The following C12orf42 variants were observed in gnomAD, a reference collection of about 807,000 sequenced individuals.
C12orf42 encodes the protein uncharacterized protein C12orf42.
C12orf42 carries 25 observed loss-of-function variants against 21.6 expected under a neutral mutation model. The ratio of observed to expected loss-of-function variants is 1.16; its 90% CI spans 0.84 to 1.62. C12orf42 has a LOEUF of 1.62. Among genes scored for constraint, C12orf42 ranks in the 40% most tolerant of loss-of-function variants. C12orf42 has a pLI of 0.00. For synonymous variants in C12orf42, 174 were observed against 175.0 expected (o/e 0.99, Z 0.05); for missense variants, 483 against 459.3 (o/e 1.05, Z -0.47).
At chr12:103,520,376 A>G in the C12orf42 span, among the ~76,000 whole-genome samples, 520 of 152,254 alleles carry the variant, frequency 3.4e-3, 2 homozygotes, top group Non-Finnish European at 6.2e-3. Context: ...TCCTCCCAGA[A>G]TATCTATTTT....
At chr12:103,472,289 C>T (rs746483166) in intron 2 of C12orf42, among the ~76,000 whole-genome samples, 171 of 151,844 alleles carry the variant, frequency 1.1e-3, no homozygotes, top group Non-Finnish European at 2.2e-3. Context: ...CTCCTGACCT[C>T]GTGATCCGCC....
At chr12:103,064,688 C>G in the C12orf42 span, among the ~76,000 whole-genome samples, 1,976 of 152,324 alleles carry the variant, frequency 0.013, 43 homozygotes, top group African/African-American at 0.045. Flanking sequence ...TGCTGTTAAT[C>G]TTTCTCCCAT....
the C12orf42 span, among the ~76,000 whole-genome samples, chr12:103,098,721 A>G: frequency 8.5e-5 from 13 of 152,366 alleles, 1 homozygote; most frequent in East Asian, 2.5e-3. Flanking sequence ...AGAAGGGTCC[A>G]TTAGCATCTT....
chr12:103,219,173 T>G, the C12orf42 span, among the ~76,000 whole-genome samples: 1 of 152,242 alleles, frequency 6.6e-6, no homozygotes, highest in African/African-American at 2.4e-5. Flanking sequence ...TGCCAGTCTG[T>G]GTCTTTTAAT....
At chr12:103,331,489 G>A (rs1176685866) in intron 4 of C12orf42, among the ~76,000 whole-genome samples, 2 of 152,170 alleles carry the variant, frequency 1.3e-5, no homozygotes, top group Non-Finnish European at 1.5e-5. Context: ...CAGAGACTGT[G>A]CAAGGTTCTG....
At chr12:103,289,057 T>G (rs2036638687) in intron 4 of C12orf42, among the ~76,000 whole-genome samples, 1 of 152,172 alleles carries the variant, frequency 6.6e-6, no homozygotes, top group Non-Finnish European at 1.5e-5. Flanking sequence ...AAAGATCACT[T>G]GGAAAAACAA....
intron 2 of C12orf42, among the ~76,000 whole-genome samples, chr12:103,425,483 G>C (rs1949728069): frequency 6.6e-6 from 1 of 152,196 alleles, no homozygotes; most frequent in South Asian, 2.1e-4. Flanking sequence ...AGCTTCCAGA[G>C]GAAGGAACAG....
At chr12:103,147,051 C>G in the C12orf42 span, among the ~76,000 whole-genome samples, 1 of 152,112 alleles carries the variant, frequency 6.6e-6, no homozygotes, top group Admixed American at 6.6e-5. Flanking sequence ...GCAATGTAGG[C>G]TCATGGAGCA....
intron 4 of C12orf42, among the ~76,000 whole-genome samples, chr12:103,322,701 A>C (rs1404633154): frequency 2.6e-5 from 4 of 152,218 alleles, no homozygotes; most frequent in Non-Finnish European, 5.9e-5. Context: ...ATTAACTAAA[A>C]CTGCATTTTT....
the C12orf42 span, among the ~76,000 whole-genome samples, chr12:103,522,326 A>C: frequency 6.6e-6 from 1 of 152,176 alleles, no homozygotes; most frequent in African/African-American, 2.4e-5. Flanking sequence ...TGGAACTGTG[A>C]GTCCATTAAA....
intron 3 of C12orf42, among the ~76,000 whole-genome samples, chr12:103,377,061 T>C (rs1434138208): frequency 6.6e-6 from 1 of 152,144 alleles, no homozygotes; most frequent in African/African-American, 2.4e-5. Context: ...TTTCTTCTTG[T>C]TGCTGTCACT....
At chr12:103,088,234 T>C in the C12orf42 span, among the ~76,000 whole-genome samples, 1 of 152,206 alleles carries the variant, frequency 6.6e-6, no homozygotes, top group Non-Finnish European at 1.5e-5. Context: ...TTCTAGAAGG[T>C]TCATTCTAGA....
chr12:103,329,157 A>G (rs2040983668), intron 4 of C12orf42, among the ~76,000 whole-genome samples: 1 of 152,182 alleles, frequency 6.6e-6, no homozygotes, highest in East Asian at 1.9e-4. Flanking sequence ...GGACGCAGGC[A>G]TGCATTCAGA....
At chr12:103,316,929 T>C (rs955155769) in intron 4 of C12orf42, among the ~76,000 whole-genome samples, 1 of 152,210 alleles carries the variant, frequency 6.6e-6, no homozygotes, top group East Asian at 1.9e-4. Context: ...TTCTGCAGAG[T>C]TCCCTCTGGG....
chr12:103,348,466 T>TG (rs1166642312), intron 4 of C12orf42, among the ~76,000 whole-genome samples: 1 of 152,102 alleles, frequency 6.6e-6, no homozygotes, highest in African/African-American at 2.4e-5. Context: ...CAGAGGCAAA[T>TG]GACCAAATGA....
the C12orf42 span, among the ~76,000 whole-genome samples, chr12:103,098,993 G>A: frequency 5.3e-5 from 8 of 152,184 alleles, no homozygotes; most frequent in South Asian, 6.2e-4. Context: ...ATAGCAGAAG[G>A]GAAAGCACAT....
At chr12:103,428,291 C>T (rs1950002728) in intron 2 of C12orf42, among the ~76,000 whole-genome samples, 3 of 152,044 alleles carry the variant, frequency 2.0e-5, no homozygotes, top group Admixed American at 2.0e-4. Context: ...GGGGATATCA[C>T]CACTGATTCC....
the C12orf42 span, among the ~76,000 whole-genome samples, chr12:103,208,402 A>G: frequency 6.6e-6 from 1 of 152,248 alleles, no homozygotes; most frequent in East Asian, 1.9e-4. Flanking sequence ...TTTGGTGTGC[A>G]GTGTACCGTG....
intron 2 of C12orf42, among the ~76,000 whole-genome samples, chr12:103,451,347 C>T (rs1951928045): frequency 6.9e-6 from 1 of 144,232 alleles, no homozygotes; most frequent in Non-Finnish European, 1.5e-5. Context: ...CCACCTCAGC[C>T]TCCCAAGTAG....
Sources: allele counts gnomAD v4.1 joint callset (sites outside exome capture counted in the v4.1 genomes callset), GRCh38; gene constraint gnomAD v4.1.1; transcripts MANE v1.5; gene names NCBI Gene and HGNC (gene_info 2026-07-23, HGNC 2026-07-21).